The following SP1 variants were observed in gnomAD, a reference collection of about 807,000 sequenced individuals.
The protein encoded by SP1 is Sp1 transcription factor, also known as transcription factor Sp1.
Under a neutral mutation model 66.3 loss-of-function variants are expected in SP1, and 6 were observed. That is an observed-to-expected ratio of 0.09 (90% CI 0.05 to 0.18). The LOEUF is 0.18. Ranked by LOEUF, SP1 falls within the 10% of genes least tolerant of loss-of-function variation. The pLI is 1.00. For missense variants in SP1, 848 were observed against 964.5 expected, an observed-to-expected ratio of 0.88 and a Z score of 1.60; for synonymous variants, 417 against 360.8, an observed-to-expected ratio of 1.16 and a Z score of -1.77.
At chr12:53,396,977 AT>A (rs1207572389) in intron 3 of SP1, among the ~76,000 whole-genome samples, 4 of 151,912 alleles carry the variant, frequency 2.6e-5, no homozygotes, top group Non-Finnish European at 5.9e-5. Flanking sequence ...TTAAAAAAAA[AT>A]CATTTTTTTT....
At chr12:53,380,518 G>A (rs2136884094) in intron 1 of SP1, 1 of 514,092 alleles carries the variant, frequency 1.9e-6, no homozygotes, top group Non-Finnish European at 2.8e-6. Context: ...GGAGGGGGCA[G>A]CGTGGCCTCG....
At chr12:53,380,569 C>A in intron 1 of SP1, 1 of 772,726 alleles carries the variant, frequency 1.3e-6, no homozygotes, top group Non-Finnish European at 1.6e-6. Flanking sequence ...ACGGGCCTTA[C>A]CCCCCACTAC....
chr12:53,393,054 A>G (rs1409768747), intron 3 of SP1, among the ~76,000 whole-genome samples: 1 of 148,292 alleles, frequency 6.7e-6, no homozygotes, highest in Non-Finnish European at 1.5e-5. Context: ...TGAACTCCTG[A>G]CCTCGTGATC....
chr12:53,389,216 CTT>C (rs71443297), intron 3 of SP1, among the ~76,000 whole-genome samples: 35 of 106,698 alleles, frequency 3.3e-4, no homozygotes, highest in East Asian at 1.6e-3. Flanking sequence ...TTAAAATGAT[CTT>C]TTTTTTTTTT....
intron 3 of SP1, 22 bp downstream of exon 3, chr12:53,383,644 A>G (rs1317823750): frequency 1.3e-6 from 2 of 1,571,622 alleles, no homozygotes; most frequent in Non-Finnish European, 1.7e-6. Flanking sequence ...AATCTTGTGC[A>G]TTTATTGGGA....
At chr12:53,388,037 C>T (rs1938269119) in intron 3 of SP1, among the ~76,000 whole-genome samples, 1 of 151,860 alleles carries the variant, frequency 6.6e-6, no homozygotes, top group African/African-American at 2.4e-5. Flanking sequence ...ATTTAATGCT[C>T]TAAAACTGAC....
intron 3 of SP1, among the ~76,000 whole-genome samples, chr12:53,385,885 C>A (rs1247994029): frequency 1.3e-5 from 2 of 151,230 alleles, no homozygotes; most frequent in Admixed American, 6.6e-5. Context: ...TGCACTCCAG[C>A]CTGGGTGACA....
rs1938157391 is a variant in SP1, at chr12:53,383,509, C to T, written c.1562C>T (p.Ala521Val). 4 of 1,614,184 alleles carry T rather than the reference C, an allele frequency of 2.5e-6. No homozygotes were observed. The highest frequency in any genetic ancestry group is 3.4e-6 in the Non-Finnish European group (4 of 1,180,038). Residue 521 changes from alanine to valine, a missense_variant, in exon 3 of 6, where the codon GCT becomes GTT. Coordinates refer to ENST00000327443, the MANE Select transcript of SP1 (RefSeq NM_138473.3). ...IPAGTVTVNAAQLSSMPGLQT... is the reference protein window; with the variant it reads ...IPAGTVTVNAVQLSSMPGLQT... ...GCTGGCACAGTCACTGTGAATGCTG[C>T]TCAACTCTCCTCCATGCCAGGCCTC...
chr12:53,409,140 G>A (rs1001313222), intron 4 of SP1, among the ~76,000 whole-genome samples: 3 of 151,922 alleles, frequency 2.0e-5, no homozygotes, highest in Non-Finnish European at 4.4e-5. Flanking sequence ...CAGGAGAATC[G>A]CTTGAACCTA....
intron 3 of SP1, among the ~76,000 whole-genome samples, chr12:53,394,203 G>A (rs998211608): frequency 2.0e-5 from 3 of 148,858 alleles, no homozygotes; most frequent in African/African-American, 7.5e-5. Flanking sequence ...CAACAAGACC[G>A]AAACTCCGTC....
At position 53,391,689 on chromosome 12, in the gene SP1, T is replaced by A. The variant is rs560650251; in HGVS notation, c.1675+8067T>A. Among the ~76,000 whole-genome samples, 3 of 151,862 alleles carry A rather than the reference T, an allele frequency of 2.0e-5. No individual in the cohort carries two copies. The Admixed American group carries it at 2.0e-4, about 10-fold the overall frequency. On this transcript the variant is annotated intron_variant, in intron 3 of 5. Transcript: ENST00000327443. The stretch of plus-strand genomic sequence containing the variant: ...ATCTTGAGATTTGGGATACAAATGA[T>A]CTTGTTACCCGGGTCCGGTCATGAG...
At chr12:53,391,700 G>A (rs975103400) in intron 3 of SP1, among the ~76,000 whole-genome samples, 1 of 151,382 alleles carries the variant, frequency 6.6e-6, no homozygotes, top group Admixed American at 6.6e-5. Context: ...CTTGTTACCC[G>A]GGTCCGGTCA....
At chr12:53,391,116 A>G (rs1200210798) in intron 3 of SP1, among the ~76,000 whole-genome samples, 1 of 152,134 alleles carries the variant, frequency 6.6e-6, no homozygotes, top group African/African-American at 2.4e-5. Flanking sequence ...TCATTTTACT[A>G]TTTAATAGAA....
intron 3 of SP1, among the ~76,000 whole-genome samples, chr12:53,394,998 G>T (rs1220681373): frequency 6.6e-6 from 1 of 152,000 alleles, no homozygotes; most frequent in Non-Finnish European, 1.5e-5. Flanking sequence ...CCCAGTAGCT[G>T]GGATTATGGG....
intron 3 of SP1, among the ~76,000 whole-genome samples, chr12:53,391,352 T>C (rs1348093267): frequency 6.9e-6 from 1 of 145,190 alleles, no homozygotes; most frequent in South Asian, 2.2e-4. Flanking sequence ...ATGTCTTTTT[T>C]TTTTTTTTTT....
At chr12:53,388,141 C>T (rs1406991399) in intron 3 of SP1, among the ~76,000 whole-genome samples, 5 of 152,202 alleles carry the variant, frequency 3.3e-5, no homozygotes, top group East Asian at 3.9e-4. Flanking sequence ...ACCTCTACAA[C>T]GTAGAAAATT....
intron 4 of SP1, among the ~76,000 whole-genome samples, chr12:53,409,061 C>T (rs1455252501): frequency 6.6e-6 from 1 of 150,852 alleles, no homozygotes; most frequent in Non-Finnish European, 1.5e-5. Flanking sequence ...CTCATCTGCA[C>T]TAAAAATATA....
chr12:53,411,531 T>G lies in SP1; in HGVS notation c.*291T>G. On this transcript the variant is annotated 3_prime_UTR_variant, in exon 6 of 6. Coordinates refer to ENST00000327443, the MANE Select transcript of SP1 (RefSeq NM_138473.3). ...TTACACTTCTTACCCCAGCCTACCC[T>G]TCCTGCATTTCTCTTCTCAGCTCTT... 1 of 273,642 alleles carries G rather than the reference T, an allele frequency of 3.7e-6. No homozygotes were observed. Among genetic ancestry groups the G allele is most frequent in the Non-Finnish European group, 6.8e-6 (1 of 146,130 alleles). 17.0% of individuals were successfully genotyped at this position (273,642 alleles called of 1,614,324 possible).
At position 53,412,560 on chromosome 12, in the gene SP1, T is replaced by C. The variant is rs1281620115; in HGVS notation, c.*1320T>C. The C allele has an allele frequency of 2.6e-5, 4 of 152,776 alleles. No homozygotes were observed. The East Asian group carries it at 5.8e-4, about 22-fold the overall frequency. 9.5% of individuals were successfully genotyped at this position (152,776 alleles called of 1,614,324 possible). On this transcript the variant is annotated 3_prime_UTR_variant, in exon 6 of 6. Coordinates refer to ENST00000327443, the MANE Select transcript of SP1 (RefSeq NM_138473.3). ...CATTCTGCAGAACTCCTCCAAAGCA[T>C]GTGCTAGTGGCAAGACAGTGGTTCT...
Sources: gnomAD v4.1 joint callset for allele counts (sites outside exome capture counted in the v4.1 genomes callset) on GRCh38, gnomAD v4.1.1 for gene constraint, MANE v1.5 for transcripts, NCBI Gene and HGNC (gene_info 2026-07-23, HGNC 2026-07-21) for gene names.